NPAS3: variants seen among roughly 807,000 people sequenced by gnomAD.
The protein encoded by NPAS3 is neuronal PAS domain-containing protein 3.
NPAS3 carries 14 observed loss-of-function variants against 73.1 expected under a neutral mutation model. The ratio of observed to expected loss-of-function variants is 0.19; its 90% CI spans 0.13 to 0.30. The LOEUF (loss-of-function observed/expected upper bound fraction) is 0.30. Ranked by LOEUF, NPAS3 falls within the 10% of genes least tolerant of loss-of-function variation. The pLI, the probability that NPAS3 is intolerant of heterozygous loss-of-function variation, is 1.00. For missense variants in NPAS3, 1,096 were observed against 1,250.0 expected, an observed-to-expected ratio of 0.88 and a Z score of 1.86; for synonymous variants, 620 against 541.5, an observed-to-expected ratio of 1.14 and a Z score of -2.01.
chr14:32,977,591 G>A (rs1042444606), intron 1 of NPAS3, among the ~76,000 whole-genome samples: 3 of 152,060 alleles, frequency 2.0e-5, no homozygotes, highest in Non-Finnish European at 2.9e-5. Flanking sequence ...AATTAACTGG[G>A]CATGGTGGTG....
chr14:33,531,956 C>T (rs930083515), intron 4 of NPAS3, among the ~76,000 whole-genome samples: 3 of 152,120 alleles, frequency 2.0e-5, no homozygotes, highest in Non-Finnish European at 4.4e-5. Context: ...GCCATTTGTG[C>T]GTCCTTTTGA....
intron 3 of NPAS3, among the ~76,000 whole-genome samples, chr14:33,301,332 T>A (rs1475590327): frequency 1.3e-4 from 9 of 70,510 alleles, no homozygotes; most frequent in African/African-American, 5.7e-4. Context: ...ATTTTTTTTT[T>A]TTAAATCTAG....
chr14:33,593,677 C>T (rs1165501225), intron 5 of NPAS3, among the ~76,000 whole-genome samples: 2 of 152,164 alleles, frequency 1.3e-5, no homozygotes, highest in Admixed American at 6.5e-5. Flanking sequence ...TTTCTTCTAA[C>T]GTTTATATTC....
intron 3 of NPAS3, among the ~76,000 whole-genome samples, chr14:33,276,519 A>G (rs1043601875): frequency 1.3e-5 from 2 of 152,152 alleles, no homozygotes; most frequent in Non-Finnish European, 2.9e-5. Context: ...TAAAAAACTC[A>G]TGAATTTCAA....
At chr14:33,683,965 C>A (rs141890367) in intron 6 of NPAS3, among the ~76,000 whole-genome samples, 49 of 152,264 alleles carry the variant, frequency 3.2e-4, no homozygotes, top group African/African-American at 1.2e-3. Flanking sequence ...AGTGTGTTAT[C>A]CTTGTCTTAC....
chr14:33,453,322 G>T (rs2049886196), intron 4 of NPAS3, among the ~76,000 whole-genome samples: 1 of 152,172 alleles, frequency 6.6e-6, no homozygotes, highest in Admixed American at 6.5e-5. Flanking sequence ...TTGGGCAGGG[G>T]CTTTCAAGAA....
chr14:33,782,810 G>T (rs375356967), intron 9 of NPAS3, among the ~76,000 whole-genome samples: 4 of 141,152 alleles, frequency 2.8e-5, no homozygotes, highest in African/African-American at 1.0e-4. Flanking sequence ...CATACTTGGG[G>T]GTTGTTTTTT....
chr14:33,479,871 T>A (rs1247396933), intron 4 of NPAS3, among the ~76,000 whole-genome samples: 1 of 152,168 alleles, frequency 6.6e-6, no homozygotes, highest in Non-Finnish European at 1.5e-5. Flanking sequence ...AAGAATTTCT[T>A]GGGGTTTCAG....
At chr14:33,115,587 C>T (rs1388688133) in intron 2 of NPAS3, among the ~76,000 whole-genome samples, 2 of 152,072 alleles carry the variant, frequency 1.3e-5, no homozygotes, top group East Asian at 3.9e-4. Flanking sequence ...TAACTAGAGA[C>T]ATTGAGTAAA....
chr14:33,144,840 T>C (rs1431686578), intron 2 of NPAS3, among the ~76,000 whole-genome samples: 1 of 152,162 alleles, frequency 6.6e-6, no homozygotes, highest in Non-Finnish European at 1.5e-5. Flanking sequence ...ATGATCCTCC[T>C]ATCTTGGCCT....
At position 32,986,264 on chromosome 14, in the gene NPAS3, C is replaced by G. The variant is rs138640316; in HGVS notation, c.50+46898C>G. 3.6e-4 allele frequency among the ~76,000 whole-genome samples: 55 copies of G among 152,284 alleles called. 1 individual carries two copies. In the East Asian group the frequency reaches 7.0e-3, roughly 19 times the overall value. On this transcript the variant is annotated intron_variant, in intron 1 of 11. Coordinates refer to ENST00000356141, the Ensembl canonical transcript of NPAS3. Reference sequence around the variant, plus strand: ...CACACTTTAGCTTGTGTTTTGAGAACAGGGTGGGAATGTTCTCATGTCATT... The same window carrying G: ...CACACTTTAGCTTGTGTTTTGAGAAGAGGGTGGGAATGTTCTCATGTCATT...
chr14:33,021,877 C>T (rs1015011529), intron 1 of NPAS3, among the ~76,000 whole-genome samples: 3 of 152,060 alleles, frequency 2.0e-5, no homozygotes, highest in Admixed American at 6.5e-5. Flanking sequence ...CCATTGATGA[C>T]GAACACGTAT....
intron 3 of NPAS3, among the ~76,000 whole-genome samples, chr14:33,349,044 A>G (rs2044890782): frequency 1.3e-5 from 2 of 152,182 alleles, no homozygotes. Context: ...GAACCAAACG[A>G]GTACAAAAGC....
chr14:33,358,722 T>C (rs1479534019), intron 3 of NPAS3, among the ~76,000 whole-genome samples: 1 of 152,204 alleles, frequency 6.6e-6, no homozygotes, highest in Non-Finnish European at 1.5e-5. Context: ...CAATTTTATA[T>C]TCCCTGACAC....
At chr14:33,784,721 T>TTTTA (rs1555333477) in intron 9 of NPAS3, among the ~76,000 whole-genome samples, 107 of 104,054 alleles carry the variant, frequency 1.0e-3, no homozygotes, top group African/African-American at 3.1e-3. Context: ...TTATTGTTAT[T>TTTTA]TTTATTTATT....
At chr14:33,734,983 C>A (rs1028368186) in intron 6 of NPAS3, among the ~76,000 whole-genome samples, 4 of 152,206 alleles carry the variant, frequency 2.6e-5, no homozygotes, top group Non-Finnish European at 5.9e-5. Context: ...AGTAAAAAGG[C>A]CTGAAAAGCT....
At chr14:33,276,810 G>A (rs1202613454) in intron 3 of NPAS3, among the ~76,000 whole-genome samples, 2 of 152,048 alleles carry the variant, frequency 1.3e-5, no homozygotes, top group African/African-American at 4.8e-5. Context: ...ACAGCAGAAT[G>A]TCTGTAAACA....
intron 4 of NPAS3, among the ~76,000 whole-genome samples, chr14:33,431,605 T>C (rs141989659): frequency 5.3e-5 from 8 of 152,322 alleles, no homozygotes; most frequent in Non-Finnish European, 1.2e-4. Flanking sequence ...ATATTTGTTA[T>C]CTCTCGCCTT....
At chr14:33,417,575 A>AT (rs1159228663) in intron 4 of NPAS3, among the ~76,000 whole-genome samples, 6 of 152,060 alleles carry the variant, frequency 3.9e-5, no homozygotes, top group Non-Finnish European at 8.8e-5. Context: ...AATCTTTTCA[A>AT]TTATTTTGAG....
Sources: gnomAD v4.1 joint callset for allele counts (sites outside exome capture counted in the v4.1 genomes callset) on GRCh38, gnomAD v4.1.1 for gene constraint, MANE v1.5 for transcripts, NCBI Gene and HGNC (gene_info 2026-07-23, HGNC 2026-07-21) for gene names.